Variants in ZXDC observed in about 807,000 individuals in gnomAD.
ZXDC encodes the protein zinc finger protein ZXDC.
In ZXDC, 58 loss-of-function variants were observed where a neutral mutation model predicts 63.6. The ratio of observed to expected loss-of-function variants is 0.91; its 90% CI spans 0.74 to 1.13. ZXDC has a LOEUF of 1.13. ZXDC is among the 50% of genes most tolerant of loss of function. The probability of loss-of-function intolerance (pLI) is 0.00; values close to 1 mark genes in which losing one functional copy is unlikely to be tolerated. For missense variants in ZXDC, 1,133 were observed against 1,148.9 expected (o/e 0.99, Z 0.20); for synonymous variants, 561 against 496.1 (o/e 1.13, Z -1.74).
In ZXDC at chr3:126,472,246, T is replaced by C. The variant is rs1935009400; in HGVS notation, c.967A>G (p.Arg323Gly). 1 of 1,613,198 alleles carries C rather than the reference T, an allele frequency of 6.2e-7. No homozygotes were observed. Among genetic ancestry groups the C allele is most frequent in the East Asian group, 2.2e-5 (1 of 44,862 alleles). ...ALFSHNRAHF[R>G]EQELFSCSFP... ...GAGCAGGAAAAGAGCTCTTGTTCCC[T>C]GAAGTGGGCTCGGTTATGGGAAAAC... Residue 323 changes from arginine to glycine, a missense_variant, in exon 2 of 10, where the codon AGG (arginine) becomes GGG (glycine). Arg to Gly is a moderately radical substitution (Grantham distance 125). Transcript: ENST00000389709.
rs956563200 is a variant in ZXDC, at chr3:126,453,573, G to A, written c.2212+6080C>T. The A allele has an allele frequency of 2.5e-5, 25 of 985,338 alleles. 1 individual carries two copies. The highest frequency in any genetic ancestry group is 1.0e-3 in the Middle Eastern group (2 of 1,936). The allele number at this position is 985,338 out of a possible 1,614,324, so 61.0% of individuals were successfully genotyped here. On this transcript the variant is annotated intron_variant, in intron 7 of 9. Transcript: ENST00000389709. ...AATCCACAAGAATCCCAAGTGCAGC[G>A]TGCTTCTATTACCATTTCACAAAGG... is the stretch of plus-strand genomic sequence containing the variant.
At chr3:126,442,023 T>C (rs1933701572) in intron 7 of ZXDC, 77 bp from the exon 8 acceptor site, 2 of 1,418,594 alleles carry the variant, frequency 1.4e-6, no homozygotes, top group African/African-American at 1.5e-5. Context: ...GGTCTCACTA[T>C]GGGGAAGACA....
At chr3:126,458,000 G>A (rs982507697) in intron 7 of ZXDC, among the ~76,000 whole-genome samples, 2 of 152,172 alleles carry the variant, frequency 1.3e-5, no homozygotes, top group African/African-American at 4.8e-5. Flanking sequence ...ACAAAAACCA[G>A]GCAAGACCTA....
intron 4 of ZXDC, among the ~76,000 whole-genome samples, chr3:126,470,543 C>T (rs1003936481): frequency 2.0e-5 from 3 of 152,232 alleles, no homozygotes; most frequent in African/African-American, 7.2e-5. Context: ...ACAATTCAAA[C>T]GTGATCTCAA....
intron 4 of ZXDC, among the ~76,000 whole-genome samples, chr3:126,468,969 G>T (rs915280663): frequency 2.0e-5 from 3 of 152,188 alleles, no homozygotes; most frequent in African/African-American, 7.2e-5. Context: ...AAATCTAACA[G>T]CAATCACAAC....
At chr3:126,466,949 G>C (rs1221833246) in intron 4 of ZXDC, among the ~76,000 whole-genome samples, 2 of 152,142 alleles carry the variant, frequency 1.3e-5, no homozygotes, top group African/African-American at 2.4e-5. Context: ...TCCGTGCCCT[G>C]GCTTTCTACT....
chr3:126,464,264 A>G (rs996678174), intron 5 of ZXDC, among the ~76,000 whole-genome samples: 4 of 152,266 alleles, frequency 2.6e-5, no homozygotes, highest in Non-Finnish European at 5.9e-5. Flanking sequence ...AGCATCTGGC[A>G]AAACAGTCAT....
intron 5 of ZXDC, among the ~76,000 whole-genome samples, chr3:126,465,028 C>A (rs1241441994): frequency 6.6e-6 from 1 of 152,208 alleles, no homozygotes. Context: ...CTGTGCGAGG[C>A]ATGGAGGCCT....
At chr3:126,457,657 C>G in intron 7 of ZXDC, 1 of 985,390 alleles carries the variant, frequency 1.0e-6, no homozygotes. Context: ...ATGAACTGCA[C>G]CTCAGGGTAA....
intron 6 of ZXDC, chr3:126,460,868 C>T: frequency 6.1e-6 from 6 of 985,380 alleles, no homozygotes; most frequent in Non-Finnish European, 7.2e-6. Flanking sequence ...ATATAAATGT[C>T]ACCATCAAAT....
intron 8 of ZXDC, 35 bp downstream of exon 8, chr3:126,441,730 C>T: frequency 6.5e-7 from 1 of 1,535,736 alleles, no homozygotes; most frequent in Non-Finnish European, 8.7e-7. Flanking sequence ...TCCCACCCCG[C>T]CTACAGCTGG....
rs144465946 is a variant in ZXDC at position 126,471,552 on chromosome 3, A to G, written c.1139+421T>C. Reference sequence around the variant, plus strand: ...CCGAGTCTCACTGTAAAACAGGGAGAATAAGAACATTAGCTTTGAGGTTGT... The same window carrying G: ...CCGAGTCTCACTGTAAAACAGGGAGGATAAGAACATTAGCTTTGAGGTTGT... On this transcript the variant is annotated intron_variant, in intron 3 of 9. Coordinates refer to ENST00000389709, the MANE Select transcript of ZXDC (RefSeq NM_025112.5). Among the ~76,000 whole-genome samples the G allele has an allele frequency of 4.6e-3, 700 of 152,312 alleles. 2 individuals carry two copies. The highest frequency in any genetic ancestry group is 0.024 in the Middle Eastern group (7 of 294).
At chr3:126,457,287 C>G in intron 7 of ZXDC, 10 of 985,390 alleles carry the variant, frequency 1.0e-5, no homozygotes, top group Non-Finnish European at 1.2e-5. Flanking sequence ...GCATCCCCGC[C>G]AGAGGATGCA....
At chr3:126,451,654 G>A in intron 7 of ZXDC, 1 of 985,394 alleles carries the variant, frequency 1.0e-6, no homozygotes, top group Non-Finnish European at 1.2e-6. Context: ...CTGGCCCTCA[G>A]TCAGATCTAC....
At chr3:126,449,838 G>T (rs1436186854) in intron 7 of ZXDC, among the ~76,000 whole-genome samples, 1 of 152,234 alleles carries the variant, frequency 6.6e-6, no homozygotes, top group African/African-American at 2.4e-5. Flanking sequence ...GGGAGCCGGG[G>T]CTGTGTGCTC....
intron 7 of ZXDC, chr3:126,452,619 A>C (rs1934149071): frequency 1.0e-6 from 1 of 953,208 alleles, no homozygotes; most frequent in Non-Finnish European, 1.2e-6. Flanking sequence ...ATCATTCTCA[A>C]GCTATCTGAT....
chr3:126,452,842 G>A (rs1045389541), intron 7 of ZXDC, among the ~76,000 whole-genome samples: 8 of 151,538 alleles, frequency 5.3e-5, no homozygotes, highest in Admixed American at 4.0e-4. Flanking sequence ...GGGCTCAAGC[G>A]ATTCTTCCGC....
intron 7 of ZXDC, chr3:126,452,390 T>A (rs1191507059): frequency 1.0e-6 from 1 of 985,310 alleles, no homozygotes; most frequent in Non-Finnish European, 1.2e-6. Context: ...CAGCCAAGCC[T>A]GTGGGCTCTG....
At chr3:126,470,847 T>C in intron 4 of ZXDC, 48 bp downstream of exon 4, 1 of 1,603,306 alleles carries the variant, frequency 6.2e-7, no homozygotes, top group Non-Finnish European at 8.5e-7. Context: ...AGGATAAATG[T>C]TGGCATTGCA....
Sources: gnomAD v4.1 joint callset for allele counts (sites outside exome capture counted in the v4.1 genomes callset) on GRCh38, gnomAD v4.1.1 for gene constraint, MANE v1.5 for transcripts, NCBI Gene and HGNC (gene_info 2026-07-23, HGNC 2026-07-21) for gene names.